Variants in ZBTB20 observed in about 807,000 individuals in gnomAD.
ZBTB20 encodes zinc finger and BTB domain-containing protein 20.
ZBTB20 carries 9 observed loss-of-function variants against 56.9 expected under a neutral mutation model. The observed-to-expected ratio is 0.16, with a 90% CI of 0.10 to 0.28. The LOEUF (loss-of-function observed/expected upper bound fraction) is 0.28, where lower values mean the gene tolerates loss of function less well. ZBTB20 is among the 10% of genes least tolerant of loss of function. The probability of loss-of-function intolerance (pLI) is 1.00; values close to 1 mark genes in which losing one functional copy is unlikely to be tolerated. For synonymous variants in ZBTB20, 417 were observed against 420.7 expected (o/e 0.99, Z 0.11); for missense variants, 655 against 1,003.0 (o/e 0.65, Z 4.69).
chr3:114,977,668 TA>T (rs2078158918), intron 2 of ZBTB20, among the ~76,000 whole-genome samples: 1 of 152,118 alleles, frequency 6.6e-6, no homozygotes, highest in Non-Finnish European at 1.5e-5. Flanking sequence ...CAATATAATA[TA>T]TAAAACAATC....
At chr3:115,128,530 G>C (rs770401443) in intron 1 of ZBTB20, among the ~76,000 whole-genome samples, 12 of 151,770 alleles carry the variant, frequency 7.9e-5, no homozygotes, top group Admixed American at 1.3e-4. Flanking sequence ...TGGGTGTGGC[G>C]GCACATGCCT....
chr3:114,463,299 G>T (rs1335999768), intron 7 of ZBTB20, among the ~76,000 whole-genome samples: 1 of 152,040 alleles, frequency 6.6e-6, no homozygotes, highest in African/African-American at 2.4e-5. Flanking sequence ...AGACATATTG[G>T]GTACGGTAGC....
intron 3 of ZBTB20, among the ~76,000 whole-genome samples, chr3:114,919,632 G>A (rs1227064249): frequency 6.6e-6 from 1 of 151,848 alleles, no homozygotes; most frequent in African/African-American, 2.4e-5. Flanking sequence ...TTGAACCCGG[G>A]AGGCAGAGTT....
intron 6 of ZBTB20, among the ~76,000 whole-genome samples, chr3:114,686,730 T>A (rs1474423386): frequency 1.3e-5 from 2 of 152,190 alleles, no homozygotes; most frequent in Non-Finnish European, 2.9e-5. Context: ...TTTCTCTTTA[T>A]TCCCCCTGAA....
intron 6 of ZBTB20, among the ~76,000 whole-genome samples, chr3:114,687,018 T>C (rs762895538): frequency 6.6e-6 from 1 of 152,050 alleles, no homozygotes; most frequent in African/African-American, 2.4e-5. Context: ...CGCAGAGTAA[T>C]AGAACTAAAA....
chr3:114,787,764 T>C (rs1206556736), intron 5 of ZBTB20, among the ~76,000 whole-genome samples: 1 of 152,244 alleles, frequency 6.6e-6, no homozygotes, highest in East Asian at 1.9e-4. Context: ...TGATTACATA[T>C]TGAATTATTG....
chr3:114,722,029 T>C (rs974593392), intron 5 of ZBTB20, among the ~76,000 whole-genome samples: 2 of 152,166 alleles, frequency 1.3e-5, no homozygotes, highest in African/African-American at 4.8e-5. Context: ...AATGTATATC[T>C]GGAGTATAGC....
At chr3:114,695,036 C>T (rs1021427954) in intron 5 of ZBTB20, among the ~76,000 whole-genome samples, 3 of 152,034 alleles carry the variant, frequency 2.0e-5, no homozygotes, top group African/African-American at 7.2e-5. Context: ...TTCACTGAAA[C>T]ACGGAAAATA....
At chr3:114,557,354 A>C (rs1456981313) in intron 6 of ZBTB20, among the ~76,000 whole-genome samples, 1 of 152,028 alleles carries the variant, frequency 6.6e-6, no homozygotes, top group Non-Finnish European at 1.5e-5. Flanking sequence ...ATTCTATTAT[A>C]GAATTTTTCA....
intron 1 of ZBTB20, among the ~76,000 whole-genome samples, chr3:115,085,092 G>A (rs551936589): frequency 3.9e-5 from 6 of 151,970 alleles, no homozygotes; most frequent in African/African-American, 2.4e-5. Context: ...CCCTCCAATC[G>A]GTGAAATCTG....
rs181010066 is a variant in ZBTB20, at chr3:114,599,519, T to A, written c.-295+94009A>T. Among the ~76,000 whole-genome samples the A allele has an allele frequency of 5.1e-4, 77 of 152,230 alleles. 1 individual carries two copies. The East Asian group carries it at 0.014, about 29-fold the overall frequency. On this transcript the variant is annotated intron_variant, in intron 6 of 11. Coordinates refer to ENST00000675478, the MANE Select transcript of ZBTB20 (RefSeq NM_001348800.3). ...AATACCTTGGTATAACTGTTCATCT[T>A]TTAAGTATCTTATTTGCCTTTTGGC...
chr3:114,831,718 A>G (rs2073853211), intron 4 of ZBTB20, among the ~76,000 whole-genome samples: 1 of 151,962 alleles, frequency 6.6e-6, no homozygotes, highest in Admixed American at 6.6e-5. Flanking sequence ...TCCAGATATA[A>G]AGAAGTCAAG....
chr3:114,500,351 C>T lies in ZBTB20; in HGVS notation c.-255+1G>A, dbSNP rs1478859894. ...AAGGTAAAGAAATCACTTTTACTTA[C>T]GTAAAGAGAAGGGGCAGGTCACAGA... On this transcript the variant is annotated splice_donor_variant, in intron 7 of 11. Coordinates refer to ENST00000675478, the MANE Select transcript of ZBTB20 (RefSeq NM_001348800.3). LOFTEE classifies it low-confidence loss of function (5UTR_SPLICE). The T allele has an allele frequency of 2.6e-5, 4 of 151,480 alleles. No homozygotes were observed. Among genetic ancestry groups the T allele is most frequent in the African/African-American group, 9.7e-5 (4 of 41,162 alleles). The allele number at this position is 151,480 out of a possible 1,614,324, so 9.4% of individuals were successfully genotyped here.
chr3:114,881,624 G>A (rs1428762295), intron 4 of ZBTB20, among the ~76,000 whole-genome samples: 1 of 151,636 alleles, frequency 6.6e-6, no homozygotes, highest in African/African-American at 2.4e-5. Flanking sequence ...ATTTTCCTAT[G>A]TCACCAAGAA....
chr3:114,845,773 T>C (rs2074669737), intron 4 of ZBTB20, among the ~76,000 whole-genome samples: 1 of 152,214 alleles, frequency 6.6e-6, no homozygotes, highest in South Asian at 2.1e-4. Flanking sequence ...ATTGTAATTA[T>C]ATACATATTT....
chr3:115,125,522 C>CA (rs1285309616), intron 1 of ZBTB20, among the ~76,000 whole-genome samples: 1 of 152,034 alleles, frequency 6.6e-6, no homozygotes, highest in African/African-American at 2.4e-5. Context: ...GGAGCTAAAA[C>CA]AATGAAACTC....
intron 6 of ZBTB20, among the ~76,000 whole-genome samples, chr3:114,533,519 G>A (rs2048109747): frequency 6.6e-6 from 1 of 152,188 alleles, no homozygotes; most frequent in South Asian, 2.1e-4. Flanking sequence ...TTTCATTGGT[G>A]TACCTGAAAG....
At chr3:114,385,266 G>A (rs962235635) in intron 8 of ZBTB20, among the ~76,000 whole-genome samples, 6 of 152,044 alleles carry the variant, frequency 3.9e-5, no homozygotes, top group South Asian at 2.1e-4. Flanking sequence ...CATTAAATAG[G>A]CTTAGTATCT....
chr3:114,578,422 T>C (rs2054311131), intron 6 of ZBTB20, among the ~76,000 whole-genome samples: 1 of 151,984 alleles, frequency 6.6e-6, no homozygotes, highest in Non-Finnish European at 1.5e-5. Flanking sequence ...GGATAATAGC[T>C]GAGAATTTTC....
Sources: allele counts gnomAD v4.1 joint callset (sites outside exome capture counted in the v4.1 genomes callset), GRCh38; gene constraint gnomAD v4.1.1; transcripts MANE v1.5; gene names NCBI Gene and HGNC (gene_info 2026-07-23, HGNC 2026-07-21).